The following SPP2 variants were observed in gnomAD, a reference collection of about 807,000 sequenced individuals.
SPP2 encodes secreted phosphoprotein 24.
SPP2 carries 34 observed loss-of-function variants against 28.8 expected under a neutral mutation model. That is an observed-to-expected ratio of 1.18 (90% CI 0.90 to 1.57). The LOEUF is 1.57. Ranked by LOEUF, SPP2 falls within the 40% of genes most tolerant of loss-of-function variation. SPP2 has a pLI of 0.00. For synonymous variants in SPP2, 96 were observed against 89.4 expected (o/e 1.07, Z -0.42); for missense variants, 269 against 263.9 (o/e 1.02, Z -0.13).
At chr2:234,064,289 G>A (rs1693776522) in intron 4 of SPP2, among the ~76,000 whole-genome samples, 1 of 150,558 alleles carries the variant, frequency 6.6e-6, no homozygotes, top group Non-Finnish European at 1.5e-5. Context: ...TGCACTCCAC[G>A]TCCACCCTTG....
intron 7 of SPP2, among the ~76,000 whole-genome samples, chr2:234,072,020 C>A (rs533379347): frequency 6.6e-6 from 1 of 152,350 alleles, no homozygotes; most frequent in Non-Finnish European, 1.5e-5. Flanking sequence ...CAAGGAACTT[C>A]AACTGCCACT....
intron 2 of SPP2, among the ~76,000 whole-genome samples, chr2:234,053,405 G>A (rs2125450040): frequency 6.6e-6 from 1 of 152,170 alleles, no homozygotes. Context: ...AGAAGGGTCG[G>A]GCCCTTCTGT....
intron 4 of SPP2, among the ~76,000 whole-genome samples, chr2:234,063,948 AAGAT>A (rs1390933071): frequency 1.3e-5 from 2 of 152,188 alleles, no homozygotes; most frequent in Admixed American, 1.3e-4. Flanking sequence ...TTCATTTCAA[AAGAT>A]AGATATTCAA....
chr2:234,070,163 G>A (rs1464247609), intron 7 of SPP2, 140 bp downstream of exon 7: 1 of 603,164 alleles, frequency 1.7e-6, no homozygotes, highest in African/African-American at 1.9e-5. Context: ...TCCTTCCCAA[G>A]ACTTCTCCTC....
chr2:234,067,500 G>T, intron 6 of SPP2, among the ~76,000 whole-genome samples: 1 of 152,254 alleles, frequency 6.6e-6, no homozygotes, highest in Middle Eastern at 3.4e-3. Context: ...CCAAGAGGCC[G>T]GGCGCGGTGG....
chr2:234,069,058 G>T (rs1176076281), intron 6 of SPP2, among the ~76,000 whole-genome samples: 1 of 152,102 alleles, frequency 6.6e-6, no homozygotes, highest in Non-Finnish European at 1.5e-5. Flanking sequence ...CTCACATGTT[G>T]TTGGGAAGCC....
chr2:234,074,324 A>T (rs1008209823), intron 7 of SPP2, among the ~76,000 whole-genome samples: 1 of 152,222 alleles, frequency 6.6e-6, no homozygotes, highest in African/African-American at 2.4e-5. Context: ...TGTTAGCAAC[A>T]TATCTGCTTA....
At chr2:234,061,862 C>T (rs868393175) in intron 4 of SPP2, among the ~76,000 whole-genome samples, 1 of 152,182 alleles carries the variant, frequency 6.6e-6, no homozygotes, top group Admixed American at 6.5e-5. Flanking sequence ...AAGGTCAACC[C>T]CCAGGTGACC....
At chr2:234,068,956 A>C (rs1339894432) in intron 6 of SPP2, among the ~76,000 whole-genome samples, 1 of 152,212 alleles carries the variant, frequency 6.6e-6, no homozygotes, top group Admixed American at 6.5e-5. Context: ...GTTCTGGCTC[A>C]GAGTCTATCA....
intron 2 of SPP2, among the ~76,000 whole-genome samples, chr2:234,052,120 G>A (rs546695719): frequency 6.6e-6 from 1 of 152,252 alleles, no homozygotes; most frequent in East Asian, 1.9e-4. Context: ...TTTGATTATA[G>A]TTCATGAAGA....
intron 6 of SPP2, among the ~76,000 whole-genome samples, 192 bp downstream of exon 6, chr2:234,067,466 AG>A (rs1693844912): frequency 6.6e-6 from 1 of 152,194 alleles, no homozygotes; most frequent in South Asian, 2.1e-4. Context: ...GGTAGCCTTG[AG>A]GCACTAACTG....
At chr2:234,067,649 C>T (rs1462618031) in intron 6 of SPP2, among the ~76,000 whole-genome samples, 13 of 151,910 alleles carry the variant, frequency 8.6e-5, no homozygotes, top group South Asian at 6.3e-4. Flanking sequence ...TAGTGGTGGG[C>T]GCCTGTAGTC....
chr2:234,057,489 C>T (rs1479932182), intron 2 of SPP2, among the ~76,000 whole-genome samples: 1 of 152,212 alleles, frequency 6.6e-6, no homozygotes, highest in Admixed American at 6.5e-5. Context: ...CAGCTGCTTC[C>T]TTCCCTCACC....
intron 3 of SPP2, among the ~76,000 whole-genome samples, chr2:234,060,064 G>A (rs1235834328): frequency 6.6e-6 from 1 of 152,168 alleles, no homozygotes. Context: ...GTCCTGTGGG[G>A]TTCTTCGTCA....
At chr2:234,068,129 A>G (rs916649823) in intron 6 of SPP2, among the ~76,000 whole-genome samples, 1 of 152,178 alleles carries the variant, frequency 6.6e-6, no homozygotes, top group African/African-American at 2.4e-5. Flanking sequence ...TCCTCATGAT[A>G]GCCCTGTCAA....
intron 7 of SPP2, among the ~76,000 whole-genome samples, chr2:234,075,980 C>T (rs1690886645): frequency 1.3e-5 from 2 of 152,218 alleles, no homozygotes; most frequent in Non-Finnish European, 1.5e-5. Context: ...ACAGCTCTGT[C>T]CTTTTCGAGC....
At chr2:234,071,743 G>A (rs1046079526) in intron 7 of SPP2, among the ~76,000 whole-genome samples, 3 of 152,160 alleles carry the variant, frequency 2.0e-5, no homozygotes, top group African/African-American at 4.8e-5. Context: ...TCACCTGGCC[G>A]CTCAGCTCCT....
chr2:234,053,462 C>T (rs753264399), intron 2 of SPP2, among the ~76,000 whole-genome samples: 1 of 152,054 alleles, frequency 6.6e-6, no homozygotes, highest in Non-Finnish European at 1.5e-5. Flanking sequence ...TCTACTCAGA[C>T]TACACATCAT....
chr2:234,062,207 G>A (rs1422925614), intron 4 of SPP2, among the ~76,000 whole-genome samples: 1 of 152,158 alleles, frequency 6.6e-6, no homozygotes, highest in Admixed American at 6.5e-5. Flanking sequence ...GCAGGCACTG[G>A]GGGCCACATA....
Sources: allele counts gnomAD v4.1 joint callset (sites outside exome capture counted in the v4.1 genomes callset), GRCh38; gene constraint gnomAD v4.1.1; transcripts MANE v1.5; gene names NCBI Gene and HGNC (gene_info 2026-07-23, HGNC 2026-07-21).